ROBO2: variants seen among roughly 807,000 people sequenced by gnomAD.
ROBO2 encodes the protein roundabout guidance receptor 2, also known as roundabout homolog 2.
Under a neutral mutation model 160.8 loss-of-function variants are expected in ROBO2, and 53 were observed. That is an observed-to-expected ratio of 0.33 (90% CI 0.26 to 0.41). The LOEUF (loss-of-function observed/expected upper bound fraction) is 0.41. Ranked by LOEUF, ROBO2 falls within the 10% of genes least tolerant of loss-of-function variation. The pLI is 1.00. For synonymous variants in ROBO2, 664 were observed against 611.7 expected, an observed-to-expected ratio of 1.09 and a Z score of -1.26; for missense variants, 1,577 against 1,722.4, an observed-to-expected ratio of 0.92 and a Z score of 1.49.
intron 2 of ROBO2, among the ~76,000 whole-genome samples, chr3:76,107,140 A>T (rs2069974954): frequency 6.6e-6 from 1 of 152,288 alleles, no homozygotes; most frequent in South Asian, 2.1e-4. Flanking sequence ...AGAAGATGTT[A>T]TCTCCAGTTT....
At chr3:76,183,321 G>T (rs1701599247) in intron 2 of ROBO2, among the ~76,000 whole-genome samples, 1 of 152,074 alleles carries the variant, frequency 6.6e-6, no homozygotes, top group Admixed American at 6.6e-5. Context: ...TATCACTTCT[G>T]CTCTGTTGTA....
intron 13 of ROBO2, among the ~76,000 whole-genome samples, chr3:77,571,929 C>T (rs1396215170): frequency 6.6e-6 from 1 of 151,226 alleles, no homozygotes; most frequent in Non-Finnish European, 1.5e-5. Flanking sequence ...ATTGCCACTG[C>T]ACACAATCAA....
chr3:76,502,042 T>C (rs2080487740), intron 2 of ROBO2, among the ~76,000 whole-genome samples: 1 of 142,880 alleles, frequency 7.0e-6, no homozygotes, highest in African/African-American at 3.1e-5. Context: ...TTCAAACATT[T>C]ATAATAATAC....
intron 23 of ROBO2, chr3:77,630,441 T>G (rs1483164485): frequency 6.6e-6 from 1 of 151,992 alleles, no homozygotes; most frequent in Non-Finnish European, 1.5e-5. Flanking sequence ...TCATGAGAAC[T>G]CCCTCACTAT....
chr3:77,366,898 C>A (rs1052117848), intron 2 of ROBO2, among the ~76,000 whole-genome samples: 5 of 146,280 alleles, frequency 3.4e-5, no homozygotes, highest in Non-Finnish European at 6.1e-5. Context: ...ACAGCACCCC[C>A]CCGACACTCA....
intron 2 of ROBO2, among the ~76,000 whole-genome samples, chr3:75,977,326 A>G (rs1310276887): frequency 1.3e-5 from 2 of 151,590 alleles, no homozygotes; most frequent in Middle Eastern, 3.4e-3. Flanking sequence ...AAAAATATTC[A>G]TGGTCTGTGC....
At chr3:77,303,189 T>C (rs2062806593) in intron 2 of ROBO2, among the ~76,000 whole-genome samples, 1 of 152,214 alleles carries the variant, frequency 6.6e-6, no homozygotes, top group Non-Finnish European at 1.5e-5. Flanking sequence ...TCTATATTGC[T>C]ACAAAGCACT....
chr3:76,375,906 A>G (rs1291392959), intron 2 of ROBO2, among the ~76,000 whole-genome samples: 1 of 152,070 alleles, frequency 6.6e-6, no homozygotes, highest in Non-Finnish European at 1.5e-5. Context: ...AGTGTAGCAC[A>G]TGCTCTGATC....
chr3:77,175,523 G>T (rs993482751), intron 2 of ROBO2, among the ~76,000 whole-genome samples: 1 of 151,942 alleles, frequency 6.6e-6, no homozygotes, highest in Admixed American at 6.6e-5. Context: ...TTGGATCTAC[G>T]TGTTAGCAAC....
intron 2 of ROBO2, among the ~76,000 whole-genome samples, chr3:77,440,404 A>G (rs1344633542): frequency 2.0e-5 from 3 of 152,184 alleles, no homozygotes; most frequent in African/African-American, 7.2e-5. Context: ...CCAGTATCAC[A>G]TACCGGCTTT....
chr3:76,985,314 G>A (rs2060312255), intron 2 of ROBO2, among the ~76,000 whole-genome samples: 1 of 152,102 alleles, frequency 6.6e-6, no homozygotes, highest in Admixed American at 6.5e-5. Context: ...CGGGCACGGT[G>A]GCTCACACCT....
intron 2 of ROBO2, among the ~76,000 whole-genome samples, chr3:76,408,202 A>G (rs934678300): frequency 6.6e-6 from 1 of 152,122 alleles, no homozygotes; most frequent in Non-Finnish European, 1.5e-5. Flanking sequence ...TAATTCAGAC[A>G]TTGATGCCAA....
chr3:76,132,955 T>G (rs2071285005), intron 2 of ROBO2, among the ~76,000 whole-genome samples: 1 of 152,132 alleles, frequency 6.6e-6, no homozygotes, highest in South Asian at 2.1e-4. Flanking sequence ...TTGGACTGTC[T>G]TGGCCTCTGT....
chr3:76,497,947 G>A (rs936647038), intron 2 of ROBO2, among the ~76,000 whole-genome samples: 3 of 152,080 alleles, frequency 2.0e-5, no homozygotes, highest in African/African-American at 7.2e-5. Flanking sequence ...AATCACATAA[G>A]CCAATGCTTC....
intron 5 of ROBO2, 120 bp from the exon 6 acceptor site, chr3:77,522,651 TTGTG>T (rs1302299412): frequency 1.4e-5 from 13 of 919,968 alleles, no homozygotes; most frequent in East Asian, 7.4e-5. Flanking sequence ...TGTGGCTGAT[TTGTG>T]TGTGTGTGTA....
At chr3:77,327,937 G>C (rs989657591) in intron 2 of ROBO2, among the ~76,000 whole-genome samples, 1 of 151,670 alleles carries the variant, frequency 6.6e-6, no homozygotes, top group Non-Finnish European at 1.5e-5. Context: ...TGTAATTCCA[G>C]CTACTTGGGA....
intron 2 of ROBO2, among the ~76,000 whole-genome samples, chr3:76,105,762 A>G (rs2069900645): frequency 6.6e-6 from 1 of 152,082 alleles, no homozygotes; most frequent in Non-Finnish European, 1.5e-5. Flanking sequence ...CTATAAGAGC[A>G]AACCAGAATG....
intron 8 of ROBO2, among the ~76,000 whole-genome samples, chr3:77,553,375 C>A (rs1427382203): frequency 6.6e-6 from 1 of 151,828 alleles, no homozygotes; most frequent in Non-Finnish European, 1.5e-5. Flanking sequence ...TTCCTCGAGA[C>A]ACAACAGTAT....
At chr3:77,050,062 A>G (rs186728886) in intron 1 of ROBO2, among the ~76,000 whole-genome samples, 55 of 152,336 alleles carry the variant, frequency 3.6e-4, no homozygotes, top group Non-Finnish European at 7.2e-4. Flanking sequence ...AGCAAATGCT[A>G]GAATATGATT....
Sources: allele counts gnomAD v4.1 joint callset (sites outside exome capture counted in the v4.1 genomes callset), GRCh38; gene constraint gnomAD v4.1.1; transcripts MANE v1.5; gene names NCBI Gene and HGNC (gene_info 2026-07-23, HGNC 2026-07-21).